Variants in AFF2 observed in about 807,000 individuals in gnomAD.
AFF2 encodes the protein AF4/FMR2 family member 2.
In AFF2, 14 loss-of-function variants were observed where a neutral mutation model predicts 76.9. The observed-to-expected ratio is 0.18, with a 90% confidence interval of 0.12 to 0.28. AFF2 has a LOEUF of 0.28. AFF2 is among the 10% of genes least tolerant of loss of function. The pLI is 1.00. For synonymous variants in AFF2, 398 were observed against 366.7 expected (o/e 1.09, Z -0.98); for missense variants, 868 against 1,001.1 (o/e 0.87, Z 1.79).
intron 4 of AFF2, among the ~76,000 whole-genome samples, chrX:148,828,914 A>C (rs1557273118): frequency 1.8e-5 from 2 of 112,051 alleles, no homozygotes; most frequent in South Asian, 3.8e-4. Flanking sequence ...ACTGATCACT[A>C]TACTTCCCAA....
intron 1 of AFF2, among the ~76,000 whole-genome samples, chrX:148,559,296 G>A (rs1406494624): frequency 2.7e-5 from 3 of 111,408 alleles, no homozygotes; most frequent in African/African-American, 9.8e-5. Flanking sequence ...TAAACTTTAA[G>A]TTCTGGGATA....
At chrX:148,642,918 C>T (rs1557254894) in intron 1 of AFF2, among the ~76,000 whole-genome samples, 1 of 112,546 alleles carries the variant, frequency 8.9e-6, no homozygotes, top group South Asian at 3.6e-4. Flanking sequence ...GTATTCTAAG[C>T]TTGTCACTGC....
chrX:148,980,036 A>C (rs1437527319), intron 18 of AFF2, among the ~76,000 whole-genome samples: 1 of 111,789 alleles, frequency 8.9e-6, no homozygotes, highest in African/African-American at 3.3e-5. Context: ...CATTACAATG[A>C]GCCTGATCCC....
chrX:148,956,487 T>A lies in AFF2; in HGVS notation c.2442T>A (p.Pro814=). The A allele has an allele frequency of 8.3e-7, 1 of 1,212,074 alleles. No individual in the cohort carries two copies. The highest frequency in any genetic ancestry group is 1.1e-6 in the Non-Finnish European group (1 of 895,584). The part of the protein sequence containing the change: ...KIDLDLLSRV[P]GHSSLHAAPA... Reference sequence around the variant, plus strand: ...ACCTTGACTTACTCTCTAGAGTACCTGGCCACAGCTCACTCCATGCAGCAC... The same window carrying A: ...ACCTTGACTTACTCTCTAGAGTACCAGGCCACAGCTCACTCCATGCAGCAC... Residue 814 remains proline (P), a synonymous_variant, in exon 11 of 21, where the codon CCT becomes CCA. Coordinates refer to ENST00000370460, the MANE Select transcript of AFF2 (RefSeq NM_002025.4).
In AFF2 at chrX:148,953,835, ACTTT is replaced by A; in HGVS notation, c.1557+98_1557+101del. On this transcript the variant is annotated intron_variant, in intron 10 of 20. Transcript: ENST00000370460. ...CACAGACACACACACACACACACAC[ACTTT>A]CAGCACAATAATTAATAATTAATTT... 9.3e-5 allele frequency: 64 copies of A among 687,415 alleles called. 1 individual carries two copies. Among genetic ancestry groups the A allele is most frequent in the Admixed American group, 1.7e-4 (5 of 29,182 alleles). 56.7% of individuals were successfully genotyped at this position (687,415 alleles called of 1,213,427 possible).
rs1346399889 is a variant in AFF2 at position 148,615,164 on chromosome X, T to TA, written c.48-36834dup. On this transcript the variant is annotated intron_variant, in intron 1 of 20. Transcript: ENST00000370460. ...CTTTTTCCTCCTGTGACTTCCATAC[T>TA]AGGGAGGATTAAAGCCCATTTTAGC... 3.6e-5 allele frequency among the ~76,000 whole-genome samples: 4 copies of TA among 111,171 alleles called. No homozygotes were observed. The Admixed American group carries it at 3.8e-4, about 11-fold the overall frequency.
Position 148,662,261 on chromosome X carries a change from A to G in AFF2, c.534A>G (p.Pro178=), listed in dbSNP as rs782774546. ...TGGCAAGCCAGGCCAGTGGTCAGCC[A>G]AACAAGATGCAGACTTTGACACAGG... ...TVLASQASGQ[P]NKMQTLTQDQ... Residue 178 remains proline (P), a synonymous_variant, in exon 3 of 21, where the codon CCA becomes CCG. Transcript: ENST00000370460. 30 of 1,209,969 alleles carry G rather than the reference A, an allele frequency of 2.5e-5. No individual in the cohort carries two copies. The Admixed American group carries it at 5.9e-4, about 24-fold the overall frequency.
At chrX:148,641,536 A>G (rs2054089848) in intron 1 of AFF2, among the ~76,000 whole-genome samples, 1 of 111,883 alleles carries the variant, frequency 8.9e-6, no homozygotes, top group Non-Finnish European at 1.9e-5. Context: ...GACAAGGTCT[A>G]GATGATCTGC....
chrX:148,698,566 A>G (rs2054748534), intron 3 of AFF2, among the ~76,000 whole-genome samples: 1 of 112,387 alleles, frequency 8.9e-6, no homozygotes, highest in African/African-American at 3.2e-5. Flanking sequence ...TACTATGAAA[A>G]AGTATTTATA....
chrX:148,748,793 C>A (rs965079728), intron 3 of AFF2, among the ~76,000 whole-genome samples: 1 of 111,370 alleles, frequency 9.0e-6, no homozygotes, highest in Non-Finnish European at 1.9e-5. Flanking sequence ...ATAGTGGGGA[C>A]GGGGATGGAA....
intron 2 of AFF2, among the ~76,000 whole-genome samples, chrX:148,656,659 C>T (rs2054256444): frequency 2.8e-5 from 3 of 105,867 alleles, no homozygotes; most frequent in Admixed American, 2.0e-4. Context: ...GCCACTACGC[C>T]CGGCTAATTT....
intron 9 of AFF2, among the ~76,000 whole-genome samples, chrX:148,921,270 A>T (rs2071592617): frequency 8.9e-6 from 1 of 112,187 alleles, no homozygotes; most frequent in South Asian, 3.7e-4. Flanking sequence ...TTGAGATATA[A>T]TTCACATATC....
At position 148,967,055 on chromosome X, in the gene AFF2, G is replaced by C; in HGVS notation, c.3179G>C (p.Arg1060Thr). The C allele has an allele frequency of 8.3e-7, 1 of 1,210,910 alleles. No homozygotes were observed. The highest frequency in any genetic ancestry group is 1.1e-6 in the Non-Finnish European group (1 of 895,393). The change falls in exon 14 of 21, where the codon AGA becomes ACA. Residue 1060 changes from arginine to threonine, a missense_variant. Coordinates refer to ENST00000370460, the MANE Select transcript of AFF2 (RefSeq NM_002025.4). ...LLSSSSTNVR[R>T]PKLTFDDSVH... is the part of the protein sequence containing the mutation. ...TCCAGCAGCAGCACTAATGTCCGGA[G>C]ACCCAAGCTCACTTTTGATGACTCG...
intron 7 of AFF2, among the ~76,000 whole-genome samples, chrX:148,882,123 G>T (rs2071104017): frequency 9.0e-6 from 1 of 111,200 alleles, no homozygotes; most frequent in Non-Finnish European, 1.9e-5. Flanking sequence ...ATGTAAATTG[G>T]CAAGGTTTTG....
Position 148,967,613 on chromosome X carries a change from T to A in AFF2, c.3204-16T>A, listed in dbSNP as rs782304087. The stretch of plus-strand genomic sequence containing the variant: ...TGAAGCATTGGTTTCTGAAAGAGCT[T>A]GTTTTGTTTATTTAGGGTTCACAAT... On this transcript the variant is annotated splice_polypyrimidine_tract_variant and intron_variant, in intron 14 of 20. Transcript: ENST00000370460. 1 of 1,197,875 alleles carries A rather than the reference T, an allele frequency of 8.3e-7. No homozygotes were observed. Among genetic ancestry groups the A allele is most frequent in the Non-Finnish European group, 1.1e-6 (1 of 884,893 alleles).
chrX:148,703,869 A>G (rs1486315363), intron 3 of AFF2, among the ~76,000 whole-genome samples: 2 of 110,177 alleles, frequency 1.8e-5, no homozygotes, highest in African/African-American at 6.6e-5. Context: ...TGCAACCTTA[A>G]ATAGGCCAGA....
chrX:148,633,559 C>G lies in AFF2; in HGVS notation c.48-18440C>G, dbSNP rs184835521. Among the ~76,000 whole-genome samples the G allele has an allele frequency of 5.3e-5, 6 of 112,332 alleles. No individual in the cohort carries two copies. The East Asian group carries it at 1.4e-3, about 26-fold the overall frequency. Reference sequence around the variant, plus strand: ...TTGTCCCTAGAAGATAAAATTGAGACAACCACTTACAAAGAAAGCATTCTG... The same window carrying G: ...TTGTCCCTAGAAGATAAAATTGAGAGAACCACTTACAAAGAAAGCATTCTG... On this transcript the variant is annotated intron_variant, in intron 1 of 20. Transcript: ENST00000370460.
At chrX:148,510,133 C>T (rs186928726) in intron 1 of AFF2, among the ~76,000 whole-genome samples, 117 of 111,889 alleles carry the variant, frequency 1.0e-3, no homozygotes, top group African/African-American at 3.7e-3. Flanking sequence ...GTCCCTGGCC[C>T]AGAATAATAA....
intron 3 of AFF2, among the ~76,000 whole-genome samples, chrX:148,720,560 A>G (rs2124540271): frequency 9.0e-6 from 1 of 111,601 alleles, no homozygotes. Context: ...AGAAAGAGCA[A>G]CACATGTGCT....
Sources: allele counts gnomAD v4.1 joint callset (sites outside exome capture counted in the v4.1 genomes callset), GRCh38; gene constraint gnomAD v4.1.1; transcripts MANE v1.5; gene names NCBI Gene and HGNC (gene_info 2026-07-23, HGNC 2026-07-21).